Variants in ZFPM2 observed in about 807,000 individuals in gnomAD.
The protein encoded by ZFPM2 is zinc finger protein ZFPM2.
ZFPM2 carries 20 observed loss-of-function variants against 98.6 expected under a neutral mutation model. The ratio of observed to expected loss-of-function variants is 0.20; its 90% CI spans 0.14 to 0.29. ZFPM2 has a LOEUF of 0.29. ZFPM2 is among the 10% of genes least tolerant of loss of function. ZFPM2 has a pLI of 1.00. For missense variants in ZFPM2, 1,310 were observed against 1,388.6 expected (o/e 0.94, Z 0.90); for synonymous variants, 518 against 502.7 (o/e 1.03, Z -0.41).
At chr8:105,392,670 A>AT (rs1811132338) in intron 1 of ZFPM2, among the ~76,000 whole-genome samples, 1 of 152,172 alleles carries the variant, frequency 6.6e-6, no homozygotes, top group African/African-American at 2.4e-5. Flanking sequence ...GGTCATTATA[A>AT]TTTTTGTCGA....
At chr8:105,741,278 T>C (rs1812209601) in intron 5 of ZFPM2, among the ~76,000 whole-genome samples, 1 of 152,050 alleles carries the variant, frequency 6.6e-6, no homozygotes, top group Admixed American at 6.6e-5. Flanking sequence ...AAAAGATCAG[T>C]TTCCATGTAG....
chr8:105,520,402 G>T (rs1458357838), intron 3 of ZFPM2, among the ~76,000 whole-genome samples: 2 of 152,222 alleles, frequency 1.3e-5, no homozygotes, highest in East Asian at 3.9e-4. Context: ...ATATCAACGG[G>T]ATGTGAAGGC....
intron 3 of ZFPM2, among the ~76,000 whole-genome samples, chr8:105,468,539 A>G (rs1812837154): frequency 6.6e-6 from 1 of 152,100 alleles, no homozygotes; most frequent in Non-Finnish European, 1.5e-5. Flanking sequence ...TCTCAGCTCC[A>G]TAACCTCCCA....
chr8:105,775,364 G>A (rs1813079963), intron 5 of ZFPM2, among the ~76,000 whole-genome samples: 1 of 151,776 alleles, frequency 6.6e-6, no homozygotes, highest in African/African-American at 2.4e-5. Flanking sequence ...GGCTAGGCAA[G>A]AATGAAAATT....
At chr8:105,407,831 C>G (rs1383818817) in intron 1 of ZFPM2, among the ~76,000 whole-genome samples, 3 of 151,854 alleles carry the variant, frequency 2.0e-5, no homozygotes, top group African/African-American at 7.3e-5. Context: ...AAATTCTGTT[C>G]AATTGGAAAA....
At chr8:105,616,436 AT>A (rs1367124723) in intron 4 of ZFPM2, among the ~76,000 whole-genome samples, 1 of 151,992 alleles carries the variant, frequency 6.6e-6, no homozygotes, top group Non-Finnish European at 1.5e-5. Context: ...CAAAGTAGTA[AT>A]TTTTTTACAC....
intron 5 of ZFPM2, among the ~76,000 whole-genome samples, chr8:105,704,598 C>T (rs139983591): frequency 7.2e-4 from 109 of 152,218 alleles, no homozygotes; most frequent in Non-Finnish European, 1.2e-3. Context: ...CCAAGTTTAG[C>T]TTGATAGAAA....
Position 105,437,958 on chromosome 8 carries a change from G to T in ZFPM2, c.200-6322G>T, listed in dbSNP as rs538035945. 1.3e-4 allele frequency among the ~76,000 whole-genome samples: 20 copies of T among 152,224 alleles called. No individual in the cohort carries two copies. In the East Asian group the frequency reaches 3.7e-3, roughly 28 times the overall value. On this transcript the variant is annotated intron_variant, in intron 2 of 7. Transcript: ENST00000407775. ...CTCAGGAGGCTGAGGCAGGACAATT[G>T]CTTGAACCCAGGAAGTGGAGGTTGC... is the stretch of plus-strand genomic sequence containing the variant.
chr8:105,616,407 A>T (rs1816415430), intron 4 of ZFPM2, among the ~76,000 whole-genome samples: 2 of 152,206 alleles, frequency 1.3e-5, no homozygotes, highest in African/African-American at 4.8e-5. Context: ...TTTACTAGAT[A>T]CAAAGTAAAA....
At chr8:105,445,005 G>A (rs1812338094) in intron 3 of ZFPM2, among the ~76,000 whole-genome samples, 1 of 152,012 alleles carries the variant, frequency 6.6e-6, no homozygotes, top group South Asian at 2.1e-4. Context: ...CTTTATATTT[G>A]GTGCCAAGTA....
chr8:105,663,716 C>T (rs1388604739), intron 5 of ZFPM2, among the ~76,000 whole-genome samples: 1 of 152,048 alleles, frequency 6.6e-6, no homozygotes, highest in Non-Finnish European at 1.5e-5. Context: ...ATCTGAGGCA[C>T]AGAGAGATAA....
intron 1 of ZFPM2, among the ~76,000 whole-genome samples, chr8:105,334,700 C>G (rs980376183): frequency 4.0e-5 from 6 of 151,580 alleles, no homozygotes; most frequent in Admixed American, 1.3e-4. Flanking sequence ...TCTGCCCTGC[C>G]CGAAAGAGTT....
intron 2 of ZFPM2, among the ~76,000 whole-genome samples, chr8:105,429,596 T>C (rs1811980326): frequency 6.6e-6 from 1 of 151,764 alleles, no homozygotes; most frequent in Non-Finnish European, 1.5e-5. Context: ...ATCTGTGCAT[T>C]CTGTACTCCT....
At chr8:105,594,391 A>G (rs767213749) in intron 4 of ZFPM2, among the ~76,000 whole-genome samples, 5 of 152,152 alleles carry the variant, frequency 3.3e-5, no homozygotes, top group Non-Finnish European at 5.9e-5. Context: ...ATATGGTAGC[A>G]CTGTTGAAAT....
At chr8:105,642,940 A>T (rs1310474756) in intron 5 of ZFPM2, among the ~76,000 whole-genome samples, 4 of 152,184 alleles carry the variant, frequency 2.6e-5, no homozygotes, top group African/African-American at 9.7e-5. Context: ...TCATGAGTGT[A>T]TCTGTTCAGT....
At chr8:105,741,534 C>T (rs964056268) in intron 5 of ZFPM2, among the ~76,000 whole-genome samples, 2 of 152,048 alleles carry the variant, frequency 1.3e-5, no homozygotes, top group African/African-American at 4.8e-5. Flanking sequence ...GCAAAGTTGG[C>T]ACATCCGTGG....
At chr8:105,632,101 C>T (rs1419052879) in intron 4 of ZFPM2, among the ~76,000 whole-genome samples, 1 of 152,088 alleles carries the variant, frequency 6.6e-6, no homozygotes, top group Non-Finnish European at 1.5e-5. Context: ...CTCCTTCCTC[C>T]GACTTGTTCT....
intron 5 of ZFPM2, among the ~76,000 whole-genome samples, chr8:105,763,058 TTC>T (rs1159483273): frequency 1.4e-4 from 21 of 150,158 alleles, no homozygotes; most frequent in African/African-American, 3.9e-4. Context: ...CTTTATTTCT[TTC>T]TTTTTTTTTT....
chr8:105,758,004 T>A (rs1485778032), intron 5 of ZFPM2, among the ~76,000 whole-genome samples: 2 of 152,072 alleles, frequency 1.3e-5, no homozygotes, highest in Non-Finnish European at 2.9e-5. Flanking sequence ...ATGGAAGGCA[T>A]ATTGGAGAGT....
Sources: allele counts gnomAD v4.1 joint callset (sites outside exome capture counted in the v4.1 genomes callset), GRCh38; gene constraint gnomAD v4.1.1; transcripts MANE v1.5; gene names NCBI Gene and HGNC (gene_info 2026-07-23, HGNC 2026-07-21).